ARHGAP25: variants seen among roughly 807,000 people sequenced by gnomAD.
The protein encoded by ARHGAP25 is rho GTPase-activating protein 25.
ARHGAP25 carries 34 observed loss-of-function variants against 71.0 expected under a neutral mutation model. The observed-to-expected ratio is 0.48, with a 90% CI of 0.36 to 0.64. ARHGAP25 has a LOEUF of 0.64. Ranked by LOEUF, ARHGAP25 falls within the 30% of genes least tolerant of loss-of-function variation. ARHGAP25 has a pLI of 0.00. For missense variants in ARHGAP25, 706 were observed against 805.1 expected, an observed-to-expected ratio of 0.88 and a Z score of 1.49; for synonymous variants, 282 against 296.5, an observed-to-expected ratio of 0.95 and a Z score of 0.50.
Position 68,735,002 on chromosome 2 carries a change from G to T in ARHGAP25, c.-198G>T, listed in dbSNP as rs1023128153. 16 of 618,926 alleles carry T rather than the reference G, an allele frequency of 2.6e-5. No homozygotes were observed. The highest frequency in any genetic ancestry group is 5.5e-5 in the Admixed American group (2 of 36,072). 38.3% of individuals were successfully genotyped at this position (618,926 alleles called of 1,614,324 possible). The stretch of plus-strand genomic sequence containing the variant: ...GTTTGGGTGCCATCCTCCAGTGACA[G>T]ATGGATGGACCTTTCATCTAAGAGA... On this transcript the variant is annotated 5_prime_UTR_variant, in exon 1 of 11. Coordinates refer to ENST00000409202, the MANE Select transcript of ARHGAP25 (RefSeq NM_001007231.3).
chr2:68,826,071 C>G lies in ARHGAP25; in HGVS notation c.1818C>G (p.Ala606=), dbSNP rs1263606398. Residue 606 remains alanine (A), a synonymous_variant, in exon 11 of 11, where the codon GCC becomes GCG. Transcript: ENST00000409202. ...ELEKEKKKSA[A]LEISLRNMER... ...AGAAGGAAAAGAAGAAGTCTGCAGCCCTAGAGATCAGCCTCCGCAACATGG... is the reference window on the plus strand; with the variant it reads ...AGAAGGAAAAGAAGAAGTCTGCAGCGCTAGAGATCAGCCTCCGCAACATGG... The G allele has an allele frequency of 1.2e-6, 2 of 1,613,830 alleles. No individual in the cohort carries two copies. Among genetic ancestry groups the G allele is most frequent in the Non-Finnish European group, 1.7e-6 (2 of 1,179,986 alleles).
At chr2:68,739,347 C>T (rs1675393588) in intron 1 of ARHGAP25, among the ~76,000 whole-genome samples, 1 of 152,194 alleles carries the variant, frequency 6.6e-6, no homozygotes, top group Non-Finnish European at 1.5e-5. Context: ...CTATAAGTCA[C>T]TTCATTAATG....
intron 2 of ARHGAP25, among the ~76,000 whole-genome samples, chr2:68,712,045 G>T (rs533689674): frequency 1.3e-5 from 2 of 152,286 alleles, no homozygotes; most frequent in Admixed American, 6.5e-5. Flanking sequence ...TGGGAATCCT[G>T]GGTCAAATGG....
Position 68,822,478 on chromosome 2 carries a change from C to T in ARHGAP25, c.1339C>T (p.Arg447Trp), listed in dbSNP as rs765877536. Residue 447 changes from arginine to tryptophan, a missense_variant, in exon 10 of 11, where the codon CGG becomes TGG. Transcript: ENST00000409202. Reference sequence around the variant, plus strand: ...TAAAAGGACTCAAACACTCCCTAACCGGAAATGTTTCTTGACATCAGCTTT... The same window carrying T: ...TAAAAGGACTCAAACACTCCCTAACTGGAAATGTTTCTTGACATCAGCTTT... The part of the protein sequence containing the change: ...SRKRTQTLPN[R>W]KCFLTSAFQG... 1.9e-5 allele frequency: 30 copies of T among 1,614,088 alleles called. No individual in the cohort carries two copies. Among genetic ancestry groups the T allele is most frequent in the East Asian group, 4.5e-5 (2 of 44,900 alleles).
chr2:68,727,764 C>A (rs1440375444), intron 2 of ARHGAP25, among the ~76,000 whole-genome samples: 1 of 152,238 alleles, frequency 6.6e-6, no homozygotes, highest in Admixed American at 6.5e-5. Flanking sequence ...TGTTTTAAAT[C>A]CCTGCAGAAA....
intron 1 of ARHGAP25, among the ~76,000 whole-genome samples, chr2:68,740,645 C>T (rs909765781): frequency 3.5e-4 from 54 of 152,200 alleles, no homozygotes; most frequent in African/African-American, 1.3e-3. Context: ...AAAATCCTTT[C>T]CCAGGCCATT....
At chr2:68,776,318 G>A (rs574320218) in intron 2 of ARHGAP25, among the ~76,000 whole-genome samples, 9 of 152,334 alleles carry the variant, frequency 5.9e-5, no homozygotes, top group Non-Finnish European at 1.2e-4. Context: ...CACACTGAGG[G>A]CCACAGGGAG....
Position 68,802,422 on chromosome 2 carries a change from A to AT in ARHGAP25, c.467-4851_467-4850insT, listed in dbSNP as rs1375742280. 7.3e-5 allele frequency among the ~76,000 whole-genome samples: 11 copies of AT among 151,716 alleles called. No individual in the cohort carries two copies. In the East Asian group the frequency reaches 1.7e-3, roughly 24 times the overall value. ...GACTCCATCTCAAAAAAAAAAAAAA[A>AT]AAAAAAAGAATGTGCCAACCTATTT... On this transcript the variant is annotated intron_variant, in intron 4 of 10. Coordinates refer to ENST00000409202, the MANE Select transcript of ARHGAP25 (RefSeq NM_001007231.3).
At chr2:68,758,985 A>G (rs1023365894) in intron 1 of ARHGAP25, among the ~76,000 whole-genome samples, 2 of 152,056 alleles carry the variant, frequency 1.3e-5, no homozygotes, top group Middle Eastern at 3.4e-3. Flanking sequence ...TGGAAATTAA[A>G]CAATACACTA....
upstream of ARHGAP25, among the ~76,000 whole-genome samples, chr2:68,733,178 A>C (rs1675071000): frequency 6.6e-6 from 1 of 152,230 alleles, no homozygotes; most frequent in Non-Finnish European, 1.5e-5. Flanking sequence ...AGCCAGGCCA[A>C]CCATGGGCCG....
At chr2:68,746,704 C>CCA (rs1553395315) in intron 1 of ARHGAP25, among the ~76,000 whole-genome samples, 1 of 60,630 alleles carries the variant, frequency 1.6e-5, no homozygotes, top group Admixed American at 1.7e-4. Context: ...ACAGGGACCA[C>CCA]CCCCCTCCCC....
At chr2:68,766,787 A>G (rs1677148624) in intron 1 of ARHGAP25, among the ~76,000 whole-genome samples, 1 of 148,700 alleles carries the variant, frequency 6.7e-6, no homozygotes, top group Admixed American at 6.7e-5. Flanking sequence ...ACTCTCTGTC[A>G]TTCTCTCTCC....
chr2:68,767,261 G>A lies in ARHGAP25; in HGVS notation c.62-7960G>A, dbSNP rs1009372304. Among the ~76,000 whole-genome samples the A allele has an allele frequency of 2.3e-4, 35 of 152,122 alleles. No homozygotes were observed. The highest frequency in any genetic ancestry group is 4.3e-4 in the Non-Finnish European group (29 of 67,990). On this transcript the variant is annotated intron_variant, in intron 1 of 10. Coordinates refer to ENST00000409202, the MANE Select transcript of ARHGAP25 (RefSeq NM_001007231.3). This position sits in a 1 kb window ranked among gnomAD's most constrained non-coding sequence, Gnocchi z 4.6. The stretch of plus-strand genomic sequence containing the variant: ...AAAAGAATGATGGGTGCTTTTCAAT[G>A]GGGGGGTGGCGTTTGCTTTGAAGAC...
In ARHGAP25 at chr2:68,734,812, G is replaced by A; in HGVS notation, c.-388G>A. ...ACACACACAAAACCAAGAGGCAGCA[G>A]TTGTTTATCACGACCTCAACTCAGT... On this transcript the variant is annotated 5_prime_UTR_variant, in exon 1 of 11. Transcript: ENST00000409202. The A allele has an allele frequency of 4.2e-6, 1 of 236,954 alleles. No individual in the cohort carries two copies. Among genetic ancestry groups the A allele is most frequent in the South Asian group, 8.4e-5 (1 of 11,934 alleles). The allele number at this position is 236,954 out of a possible 1,614,324, so 14.7% of individuals were successfully genotyped here.
intron 10 of ARHGAP25, 84 bp from the exon 11 acceptor site, chr2:68,825,903 T>A: frequency 8.4e-7 from 1 of 1,188,316 alleles, no homozygotes; most frequent in Non-Finnish European, 1.2e-6. Context: ...GAAAGGAAAA[T>A]GAGCAGCAGG....
intron 2 of ARHGAP25, among the ~76,000 whole-genome samples, chr2:68,781,578 G>C (rs1334575620): frequency 6.6e-6 from 1 of 152,162 alleles, no homozygotes; most frequent in Non-Finnish European, 1.5e-5. Flanking sequence ...CACCACCTCA[G>C]CTTTGATGGT....
At chr2:68,812,175 A>G (rs2103658653) in intron 5 of ARHGAP25, among the ~76,000 whole-genome samples, 1 of 152,344 alleles carries the variant, frequency 6.6e-6, no homozygotes, top group East Asian at 1.9e-4. Flanking sequence ...TAAATGAACA[A>G]GTGTGGTGGT....
At chr2:68,785,978 C>CT (rs568894759) in intron 3 of ARHGAP25, among the ~76,000 whole-genome samples, 1,541 of 152,030 alleles carry the variant, frequency 0.01, 19 homozygotes, top group African/African-American at 0.033. Flanking sequence ...CAAATATTTA[C>CT]TTTTTTTTAG....
intron 2 of ARHGAP25, 114 bp downstream of exon 2, chr2:68,775,534 T>A (rs1181037347): frequency 6.6e-7 from 1 of 1,509,684 alleles, no homozygotes; most frequent in Non-Finnish European, 9.1e-7. Context: ...GACACACCCA[T>A]TGGAAAGGAA....
Sources: allele counts gnomAD v4.1 joint callset (sites outside exome capture counted in the v4.1 genomes callset), GRCh38; gene constraint gnomAD v4.1.1; non-coding constraint Gnocchi (gnomAD v3.1); transcripts MANE v1.5; gene names NCBI Gene and HGNC (gene_info 2026-07-23, HGNC 2026-07-21).